Variants in ADGRL2 observed in about 807,000 individuals in gnomAD.
The protein encoded by ADGRL2 is calcium-independent alpha-latrotoxin receptor 2.
Under a neutral mutation model 157.4 loss-of-function variants are expected in ADGRL2, and 44 were observed. The observed-to-expected ratio is 0.28, with a 90% CI of 0.22 to 0.36. ADGRL2 has a LOEUF of 0.36. ADGRL2 is among the 10% of genes least tolerant of loss of function. The probability of loss-of-function intolerance (pLI) is 1.00; values close to 1 mark genes in which losing one functional copy is unlikely to be tolerated. For missense variants in ADGRL2, 1,510 were observed against 1,768.9 expected (o/e 0.85, Z 2.63); for synonymous variants, 585 against 624.7 (o/e 0.94, Z 0.95).
At chr1:81,437,049 T>C (rs2077422382) in intron 1 of ADGRL2, among the ~76,000 whole-genome samples, 1 of 152,258 alleles carries the variant, frequency 6.6e-6, no homozygotes, top group Non-Finnish European at 1.5e-5. Flanking sequence ...TTTGTAGTAA[T>C]GATAACTAAT....
intron 3 of ADGRL2, among the ~76,000 whole-genome samples, chr1:81,622,653 A>T (rs1311895161): frequency 6.6e-6 from 1 of 152,106 alleles, no homozygotes; most frequent in African/African-American, 2.4e-5. Context: ...ACTTTGGGAG[A>T]CAAAGGCAAG....
chr1:81,832,500 C>A (rs2092015949), intron 1 of ADGRL2, among the ~76,000 whole-genome samples: 1 of 152,112 alleles, frequency 6.6e-6, no homozygotes, highest in Admixed American at 6.6e-5. Context: ...ATTACAAGTA[C>A]CATGACTAGA....
chr1:81,672,512 G>A (rs895533626), intron 3 of ADGRL2, among the ~76,000 whole-genome samples: 1 of 152,140 alleles, frequency 6.6e-6, no homozygotes, highest in Non-Finnish European at 1.5e-5. Flanking sequence ...TTCTTGTATT[G>A]AGAGAAATTC....
At chr1:81,551,820 C>A (rs1280591778) in intron 2 of ADGRL2, among the ~76,000 whole-genome samples, 2 of 152,156 alleles carry the variant, frequency 1.3e-5, no homozygotes, top group East Asian at 1.9e-4. Flanking sequence ...ATCAATCAAT[C>A]AATCAAACTG....
intron 3 of ADGRL2, among the ~76,000 whole-genome samples, chr1:81,584,991 T>G (rs1333768495): frequency 6.6e-6 from 1 of 152,160 alleles, no homozygotes; most frequent in African/African-American, 2.4e-5. Context: ...AATCAATTAA[T>G]TTTAAAATTC....
intron 1 of ADGRL2, among the ~76,000 whole-genome samples, chr1:81,306,704 G>A (rs955397760): frequency 3.3e-5 from 5 of 152,078 alleles, no homozygotes; most frequent in Non-Finnish European, 1.5e-5. Flanking sequence ...TATTTTCCCT[G>A]CAGCAAGCTT....
rs111917710 is a variant in ADGRL2, at chr1:81,312,901, A to G, written c.-302+6392A>G. Among the ~76,000 whole-genome samples the G allele has an allele frequency of 2.5e-3, 378 of 152,316 alleles. 2 individuals carry two copies. Among genetic ancestry groups the G allele is most frequent in the African/African-American group, 8.6e-3 (358 of 41,572 alleles). ...TACAGAGAAAACATAATGAAACAGAAAGAGTACTAGTTTCAGACAGACAGA... is the reference window on the plus strand; with the variant it reads ...TACAGAGAAAACATAATGAAACAGAGAGAGTACTAGTTTCAGACAGACAGA... On this transcript the variant is annotated intron_variant, in intron 1 of 24. Transcript: ENST00000370721.
intron 1 of ADGRL2, among the ~76,000 whole-genome samples, chr1:81,383,229 C>A (rs185663761): frequency 1.3e-5 from 2 of 152,270 alleles, no homozygotes; most frequent in East Asian, 3.9e-4. Flanking sequence ...TTTCATATTT[C>A]TTTTAAACTG....
At chr1:81,667,486 A>C (rs1281432237) in intron 3 of ADGRL2, among the ~76,000 whole-genome samples, 1 of 152,204 alleles carries the variant, frequency 6.6e-6, no homozygotes, top group Non-Finnish European at 1.5e-5. Context: ...ATAGTGCTAC[A>C]TAACAGCTAT....
chr1:81,374,596 C>T (rs914555079), intron 1 of ADGRL2, among the ~76,000 whole-genome samples: 8 of 51,836 alleles, frequency 1.5e-4, no homozygotes, highest in Non-Finnish European at 4.8e-5. Context: ...AAACAAGTTG[C>T]CTTGCTAGGA....
chr1:81,771,432 G>C (rs2086362944), intron 2 of ADGRL2, among the ~76,000 whole-genome samples: 1 of 152,122 alleles, frequency 6.6e-6, no homozygotes, highest in African/African-American at 2.4e-5. Context: ...CCAGGGCTTA[G>C]TGCTGGCATG....
At chr1:81,476,418 C>G (rs1327622064) in intron 2 of ADGRL2, among the ~76,000 whole-genome samples, 3 of 152,132 alleles carry the variant, frequency 2.0e-5, no homozygotes, top group African/African-American at 7.2e-5. Flanking sequence ...CAAATATTAT[C>G]CTAGTGCTCA....
At chr1:81,990,341 T>C (rs2149540062) in intron 23 of ADGRL2, 50 bp from the exon 24 acceptor site, 2 of 1,560,800 alleles carry the variant, frequency 1.3e-6, no homozygotes, top group Non-Finnish European at 1.7e-6. Flanking sequence ...ATAGAGTTTC[T>C]GTGGAAAGGA....
At chr1:81,323,242 G>GTTTTTTTTTGTTTT (rs536651694) in intron 1 of ADGRL2, among the ~76,000 whole-genome samples, 4 of 151,124 alleles carry the variant, frequency 2.6e-5, no homozygotes, top group African/African-American at 9.7e-5. Flanking sequence ...AAATTTTTCT[G>GTTTTTTTTTGTTTT]TTTTTTTTGT....
intron 3 of ADGRL2, chr1:81,596,301 G>T: frequency 3.6e-6 from 2 of 552,402 alleles, no homozygotes; most frequent in Non-Finnish European, 3.5e-6. Flanking sequence ...TTCACCACAA[G>T]GATTTTTTCT....
At chr1:81,709,827 G>A (rs542504894) in intron 1 of ADGRL2, among the ~76,000 whole-genome samples, 13 of 152,060 alleles carry the variant, frequency 8.5e-5, no homozygotes, top group Non-Finnish European at 1.9e-4. Context: ...TTCGAAACAT[G>A]TTAAAAACTA....
intron 6 of ADGRL2, among the ~76,000 whole-genome samples, chr1:81,944,855 G>A (rs772508833): frequency 2.6e-5 from 4 of 151,988 alleles, no homozygotes; most frequent in Non-Finnish European, 5.9e-5. Context: ...AAGATATGCT[G>A]TTAATCAGTT....
intron 1 of ADGRL2, among the ~76,000 whole-genome samples, chr1:81,381,882 AC>A (rs1471524479): frequency 6.6e-6 from 1 of 152,094 alleles, no homozygotes; most frequent in African/African-American, 2.4e-5. Flanking sequence ...CTGTTCCATA[AC>A]CCCACTCACC....
intron 3 of ADGRL2, among the ~76,000 whole-genome samples, chr1:81,657,750 A>G (rs2082566517): frequency 6.6e-6 from 1 of 152,192 alleles, no homozygotes; most frequent in Non-Finnish European, 1.5e-5. Context: ...TTTCTTTGGT[A>G]AGTAGGCAAA....
Sources: gnomAD v4.1 joint callset for allele counts (sites outside exome capture counted in the v4.1 genomes callset) on GRCh38, gnomAD v4.1.1 for gene constraint, MANE v1.5 for transcripts, NCBI Gene and HGNC (gene_info 2026-07-23, HGNC 2026-07-21) for gene names.